GPC3: variants seen among roughly 807,000 people sequenced by gnomAD.
GPC3 encodes the protein glypican-3.
GPC3 carries 3 observed loss-of-function variants against 34.4 expected under a neutral mutation model. That is an observed-to-expected ratio of 0.09 (90% CI 0.04 to 0.23). GPC3 has a LOEUF of 0.23. GPC3 is among the 10% of genes least tolerant of loss of function. The pLI is 1.00. For synonymous variants in GPC3, 177 were observed against 174.0 expected, an observed-to-expected ratio of 1.02 and a Z score of -0.13; for missense variants, 351 against 445.6, an observed-to-expected ratio of 0.79 and a Z score of 1.91.
In GPC3 at chrX:133,665,850, T is replaced by C. The variant is rs1037773345; in HGVS notation, c.1293-4000A>G. 4.5e-5 allele frequency among the ~76,000 whole-genome samples: 5 copies of C among 111,906 alleles called. No homozygotes were observed. In the Admixed American group the frequency reaches 4.8e-4, roughly 11 times the overall value. On this transcript the variant is annotated intron_variant, in intron 5 of 7. Coordinates refer to ENST00000370818, the MANE Select transcript of GPC3 (RefSeq NM_004484.4). ...TCTTCTCTTCTTTAACTCCTACTGA[T>C]GCCTGAAGCAGAGACCCTATTTGCA...
At chrX:133,541,718 AG>A (rs1417186989) in intron 7 of GPC3, among the ~76,000 whole-genome samples, 2 of 111,634 alleles carry the variant, frequency 1.8e-5, no homozygotes, top group African/African-American at 6.5e-5. Context: ...TATTGAGAAA[AG>A]CAATAAATAG....
chrX:133,715,659 G>A (rs956686180), intron 3 of GPC3, among the ~76,000 whole-genome samples: 3 of 111,232 alleles, frequency 2.7e-5, no homozygotes, highest in African/African-American at 9.8e-5. Flanking sequence ...CTCAATTAGA[G>A]GTAATTATTT....
rs190622543 is a variant in GPC3 at position 133,830,710 on chromosome X, A to G, written c.338-76534T>C. On this transcript the variant is annotated intron_variant, in intron 2 of 7. Transcript: ENST00000370818. ...AAAAAAAAAAAAAAAAAAAAAACAT[A>G]CAATTTTTGAAAGAAAACATAGGAG... Among the ~76,000 whole-genome samples the G allele has an allele frequency of 3.2e-3, 333 of 104,662 alleles. 3 individuals are homozygous for G. Among genetic ancestry groups the G allele is most frequent in the Middle Eastern group, 0.02 (4 of 196 alleles). 90.9% of individuals were successfully genotyped at this position (104,662 alleles called of 115,157 possible).
intron 7 of GPC3, among the ~76,000 whole-genome samples, chrX:133,576,010 C>T (rs1414693522): frequency 9.0e-6 from 1 of 111,553 alleles, no homozygotes. Flanking sequence ...AGCACTTAAC[C>T]CTAAAAGGCT....
intron 2 of GPC3, among the ~76,000 whole-genome samples, chrX:133,927,971 T>C (rs1303638651): frequency 3.7e-5 from 4 of 109,219 alleles, no homozygotes; most frequent in Non-Finnish European, 5.7e-5. Flanking sequence ...ACAGCTGTAA[T>C]CTACTCATTT....
intron 2 of GPC3, among the ~76,000 whole-genome samples, chrX:133,826,768 G>C (rs1349593618): frequency 5.4e-5 from 6 of 111,333 alleles, no homozygotes; most frequent in African/African-American, 2.0e-4. Flanking sequence ...GAAAAACAAA[G>C]ACAAACAGAA....
chrX:133,733,407 G>GT (rs2071480815), intron 3 of GPC3, among the ~76,000 whole-genome samples: 2 of 110,960 alleles, frequency 1.8e-5, no homozygotes, highest in Admixed American at 1.9e-4. Flanking sequence ...TTTCATCCAT[G>GT]TAACAAAAAA....
chrX:133,597,098 A>G (rs2063202046), intron 6 of GPC3, among the ~76,000 whole-genome samples: 2 of 112,120 alleles, frequency 1.8e-5, no homozygotes, highest in African/African-American at 6.5e-5. Context: ...CTTACAATCA[A>G]TCATCATTAT....
At chrX:133,985,229 T>C (rs1442778310) in intron 1 of GPC3, 46 bp downstream of exon 1, 3 of 1,192,806 alleles carry the variant, frequency 2.5e-6, no homozygotes, top group Non-Finnish European at 2.3e-6. Flanking sequence ...CACGCGCGCC[T>C]TGCTCCCCGC....
intron 4 of GPC3, among the ~76,000 whole-genome samples, chrX:133,695,485 G>A (rs2071107479): frequency 8.9e-6 from 1 of 111,868 alleles, no homozygotes; most frequent in African/African-American, 3.3e-5. Context: ...TGAGAAATAT[G>A]TCTTAGAGAA....
chrX:133,772,410 G>A (rs1398626665), intron 2 of GPC3, among the ~76,000 whole-genome samples: 1 of 111,161 alleles, frequency 9.0e-6, no homozygotes, highest in Non-Finnish European at 1.9e-5. Flanking sequence ...GTCTGCTCCC[G>A]ACAAACAACC....
intron 3 of GPC3, among the ~76,000 whole-genome samples, chrX:133,709,484 A>C (rs1239642579): frequency 8.9e-6 from 1 of 112,259 alleles, no homozygotes; most frequent in Non-Finnish European, 1.9e-5. Flanking sequence ...ATTTCATTTA[A>C]TTAAATCTTA....
intron 7 of GPC3, among the ~76,000 whole-genome samples, chrX:133,593,330 C>CAAAAAAAAAAAAAAAAA (rs756083308): frequency 1.0e-4 from 1 of 9,890 alleles, no homozygotes; most frequent in Non-Finnish European, 2.0e-4. Flanking sequence ...GAGACTGTCT[C>CAAAAAAAAAAAAAAAAA]AAAAAAAAAA....
chrX:133,722,649 T>C (rs1044976044), intron 3 of GPC3, among the ~76,000 whole-genome samples: 3 of 111,858 alleles, frequency 2.7e-5, no homozygotes, highest in African/African-American at 9.7e-5. Flanking sequence ...TGTTGCAAAA[T>C]TGCTCTGATT....
intron 2 of GPC3, among the ~76,000 whole-genome samples, chrX:133,853,382 G>T (rs2075884676): frequency 9.0e-6 from 1 of 111,435 alleles, no homozygotes; most frequent in South Asian, 3.7e-4. Flanking sequence ...CTCTTCCCTA[G>T]CCTGTTGTCA....
At chrX:133,649,472 A>G (rs1273207213) in intron 6 of GPC3, among the ~76,000 whole-genome samples, 2 of 111,299 alleles carry the variant, frequency 1.8e-5, no homozygotes, top group South Asian at 7.7e-4. Flanking sequence ...TTTAACAATA[A>G]TTTGGACCAT....
chrX:133,644,196 T>C (rs980370892), intron 6 of GPC3, among the ~76,000 whole-genome samples: 2 of 111,486 alleles, frequency 1.8e-5, no homozygotes, highest in Non-Finnish European at 3.8e-5. Context: ...GATTGTCATG[T>C]TCTTTCCTTG....
rs1049219726 is a variant in GPC3, at chrX:133,829,627, T to C, written c.338-75451A>G. On this transcript the variant is annotated intron_variant, in intron 2 of 7. Coordinates refer to ENST00000370818, the MANE Select transcript of GPC3 (RefSeq NM_004484.4). ...TGACACATGAGATGTTTTCTAACCA[T>C]GGTAGAATGAAATTAGAAATCAATA... Among the ~76,000 whole-genome samples the C allele has an allele frequency of 6.3e-5, 7 of 111,752 alleles. 1 individual carries two copies. The highest frequency in any genetic ancestry group is 9.5e-5 in the Admixed American group (1 of 10,522).
At chrX:133,592,555 T>C (rs2069864122) in intron 7 of GPC3, among the ~76,000 whole-genome samples, 1 of 110,466 alleles carries the variant, frequency 9.1e-6, no homozygotes, top group Non-Finnish European at 1.9e-5. Flanking sequence ...TTCAACATTC[T>C]TCTAATAGGT....
Sources: allele counts gnomAD v4.1 joint callset (sites outside exome capture counted in the v4.1 genomes callset), GRCh38; gene constraint gnomAD v4.1.1; transcripts MANE v1.5; gene names NCBI Gene and HGNC (gene_info 2026-07-23, HGNC 2026-07-21).